Variants in RIMS2 observed in about 807,000 individuals in gnomAD.
RIMS2 encodes regulating synaptic membrane exocytosis protein 2.
RIMS2 carries 59 observed loss-of-function variants against 174.4 expected under a neutral mutation model. That is an observed-to-expected ratio of 0.34 (90% CI 0.27 to 0.42). The LOEUF (loss-of-function observed/expected upper bound fraction) is 0.42, where lower values mean the gene tolerates loss of function less well. RIMS2 is among the 10% of genes least tolerant of loss of function. The pLI is 1.00. For synonymous variants in RIMS2, 606 were observed against 572.5 expected, an observed-to-expected ratio of 1.06 and a Z score of -0.84; for missense variants, 1,620 against 1,666.3, an observed-to-expected ratio of 0.97 and a Z score of 0.48.
chr8:103,746,142 G>T (rs1196359283), intron 2 of RIMS2, among the ~76,000 whole-genome samples: 1 of 152,108 alleles, frequency 6.6e-6, no homozygotes, highest in Non-Finnish European at 1.5e-5. Flanking sequence ...TGAGTTAGGG[G>T]TCCAACTTCA....
chr8:104,249,171 G>A (rs528877887), intron 21 of RIMS2, among the ~76,000 whole-genome samples: 62 of 151,632 alleles, frequency 4.1e-4, no homozygotes, highest in African/African-American at 7.0e-4. Flanking sequence ...GGCCTCAAGC[G>A]ATCCTCCTGC....
chr8:104,141,001 A>G (rs2098562322), intron 19 of RIMS2, among the ~76,000 whole-genome samples: 1 of 152,234 alleles, frequency 6.6e-6, no homozygotes, highest in East Asian at 1.9e-4. Flanking sequence ...TTTTATCTTG[A>G]CAGAGGAAGC....
At chr8:103,839,267 T>G (rs906537164) in intron 3 of RIMS2, among the ~76,000 whole-genome samples, 1 of 152,228 alleles carries the variant, frequency 6.6e-6, no homozygotes, top group African/African-American at 2.4e-5. Context: ...TTTTCTTGCT[T>G]CTTTGGATGC....
intron 1 of RIMS2, among the ~76,000 whole-genome samples, chr8:103,568,363 C>T (rs2092542524): frequency 6.6e-6 from 1 of 152,066 alleles, no homozygotes; most frequent in African/African-American, 2.4e-5. Flanking sequence ...GGTTTAATCA[C>T]AGTTTTATAA....
rs77399315 is a variant in RIMS2, at chr8:104,126,622, C to T, written c.3334+112007C>T. Among the ~76,000 whole-genome samples the T allele has an allele frequency of 9.1e-4, 138 of 152,178 alleles. 3 individuals carry two copies. In the East Asian group the frequency reaches 0.025, roughly 27 times the overall value. On this transcript the variant is annotated intron_variant, in intron 19 of 23. Transcript: ENST00000504942. ...AGGAACAATTACCTAACTTAAAGAA[C>T]GTTAGAAATGTGGAATGAGATTTTT... is the stretch of plus-strand genomic sequence containing the variant.
At chr8:103,629,918 C>A (rs1348869877) in intron 1 of RIMS2, among the ~76,000 whole-genome samples, 1 of 151,744 alleles carries the variant, frequency 6.6e-6, no homozygotes, top group Non-Finnish European at 1.5e-5. Flanking sequence ...CAAAGGAAGG[C>A]AGGGAGAGGG....
At chr8:103,783,720 A>G (rs1292136732) in intron 3 of RIMS2, among the ~76,000 whole-genome samples, 1 of 152,028 alleles carries the variant, frequency 6.6e-6, no homozygotes, top group Non-Finnish European at 1.5e-5. Flanking sequence ...TAATGCTGCA[A>G]TAAACATATG....
At chr8:103,976,196 T>C (rs2093408484) in intron 16 of RIMS2, 1 of 152,184 alleles carries the variant, frequency 6.6e-6, no homozygotes, top group South Asian at 2.1e-4. Context: ...GAAAAAGAAT[T>C]TAAGGAAAGC....
At position 103,943,063 on chromosome 8, in the gene RIMS2, G is replaced by GA. The variant is rs2082909979; in HGVS notation, c.2701+141dup. 6.3e-6 allele frequency: 4 copies of GA among 639,340 alleles called. No individual in the cohort carries two copies. The Admixed American group carries it at 9.6e-5, about 15-fold the overall frequency. 39.6% of individuals were successfully genotyped at this position (639,340 alleles called of 1,614,324 possible). A position where few individuals can be genotyped will look rare whatever the true frequency, so the allele number is the denominator to read the frequency against. ...GTGTTTCCATAGCTATGAATTGTTT[G>GA]AAAACAATTGTTTGAAGCTTTTGAA... On this transcript the variant is annotated intron_variant, in intron 14 of 23. Coordinates refer to ENST00000504942, the Ensembl canonical transcript of RIMS2.
At chr8:104,089,181 G>T (rs2097587901) in intron 19 of RIMS2, among the ~76,000 whole-genome samples, 1 of 151,836 alleles carries the variant, frequency 6.6e-6, no homozygotes, top group Non-Finnish European at 1.5e-5. Context: ...GCCATTCATT[G>T]TTCATCCATC....
intron 4 of RIMS2, among the ~76,000 whole-genome samples, chr8:103,890,305 T>A (rs1255424723): frequency 6.6e-6 from 1 of 151,980 alleles, no homozygotes; most frequent in African/African-American, 2.4e-5. Flanking sequence ...TTTTGAGATG[T>A]AATTCAGTGT....
chr8:104,218,071 C>T (rs908979450), intron 19 of RIMS2, among the ~76,000 whole-genome samples: 1 of 152,176 alleles, frequency 6.6e-6, no homozygotes, highest in Non-Finnish European at 1.5e-5. Flanking sequence ...AATATCGTAT[C>T]TATCTTCACA....
intron 1 of RIMS2, among the ~76,000 whole-genome samples, chr8:103,689,953 A>G (rs2096994304): frequency 7.9e-6 from 1 of 127,198 alleles, no homozygotes; most frequent in Non-Finnish European, 1.6e-5. Flanking sequence ...CAGCTACTCC[A>G]TGTGTCTTTT....
chr8:103,814,297 TA>T (rs2098705726), intron 3 of RIMS2, among the ~76,000 whole-genome samples: 1 of 151,676 alleles, frequency 6.6e-6, no homozygotes, highest in South Asian at 2.1e-4. Flanking sequence ...AACTAATAAG[TA>T]CTATGCGTGA....
chr8:103,751,768 T>C (rs1397987722), intron 2 of RIMS2, among the ~76,000 whole-genome samples: 2 of 150,992 alleles, frequency 1.3e-5, no homozygotes, highest in Non-Finnish European at 3.0e-5. Context: ...TCTGTTCATG[T>C]CCTTCGCCCA....
intron 1 of RIMS2, among the ~76,000 whole-genome samples, chr8:103,559,615 G>A (rs987082253): frequency 6.6e-6 from 1 of 152,140 alleles, no homozygotes; most frequent in Non-Finnish European, 1.5e-5. Flanking sequence ...ACTCATGGTG[G>A]ATCCAGAATT....
intron 3 of RIMS2, among the ~76,000 whole-genome samples, chr8:103,870,385 CCACCACCACCACCACTA>C (rs1384286446): frequency 4.6e-5 from 7 of 151,262 alleles, no homozygotes; most frequent in Admixed American, 6.6e-5. Flanking sequence ...ACCACCAGCA[CCACCACCACCACCACTA>C]CACCACTGCA....
chr8:103,646,920 A>G (rs982727114), intron 1 of RIMS2, among the ~76,000 whole-genome samples: 1 of 152,190 alleles, frequency 6.6e-6, no homozygotes, highest in Non-Finnish European at 1.5e-5. Context: ...CTCATTTTCA[A>G]GAAGAATGTT....
chr8:104,250,938 T>C, intron 22 of RIMS2, 86 bp from the exon 29 acceptor site: 1 of 1,199,280 alleles, frequency 8.3e-7, no homozygotes, highest in South Asian at 1.4e-5. Context: ...CAGCCAAAGA[T>C]TACTAAACTG....
Sources: gnomAD v4.1 joint callset for allele counts (sites outside exome capture counted in the v4.1 genomes callset) on GRCh38, gnomAD v4.1.1 for gene constraint, MANE v1.5 for transcripts, NCBI Gene and HGNC (gene_info 2026-07-23, HGNC 2026-07-21) for gene names.